MARCHF1: variants seen among roughly 807,000 people sequenced by gnomAD.
MARCHF1 encodes the protein membrane associated ring-CH-type finger 1.
A neutral mutation model predicts 54.2 loss-of-function variants in MARCHF1; 40 were observed. The observed-to-expected ratio is 0.74, with a 90% CI of 0.57 to 0.96. The LOEUF is 0.96. Among genes scored for constraint, MARCHF1 ranks in the 40% least tolerant of loss-of-function variants. MARCHF1 has a pLI of 0.00. For synonymous variants in MARCHF1, 236 were observed against 236.3 expected, an observed-to-expected ratio of 1.00 and a Z score of 0.01; for missense variants, 586 against 656.5, an observed-to-expected ratio of 0.89 and a Z score of 1.17.
intron 5 of MARCHF1, among the ~76,000 whole-genome samples, chr4:163,640,246 T>C (rs1354735543): frequency 2.6e-5 from 4 of 152,218 alleles, no homozygotes; most frequent in East Asian, 3.9e-4. Flanking sequence ...CATCAGATAA[T>C]ACTCTATAAA....
chr4:164,123,378 CT>C (rs1756112108), intron 1 of MARCHF1, among the ~76,000 whole-genome samples: 1 of 152,074 alleles, frequency 6.6e-6, no homozygotes, highest in Non-Finnish European at 1.5e-5. Context: ...AATACCCATA[CT>C]ACCGAAAGCA....
intron 1 of MARCHF1, among the ~76,000 whole-genome samples, chr4:164,176,970 C>A (rs1382227705): frequency 0.11 from 6,250 of 56,050 alleles, 870 homozygotes; most frequent in Non-Finnish European, 0.15. Context: ...CTCTCTCTCT[C>A]TCTCTCTCTC....
intron 4 of MARCHF1, among the ~76,000 whole-genome samples, chr4:163,703,522 A>G (rs745786981): frequency 3.3e-5 from 5 of 152,144 alleles, no homozygotes; most frequent in African/African-American, 7.2e-5. Context: ...CATTACAATC[A>G]GTTTAACTAC....
At chr4:163,811,261 A>G (rs1748376937) in intron 4 of MARCHF1, among the ~76,000 whole-genome samples, 1 of 51,966 alleles carries the variant, frequency 1.9e-5, no homozygotes, top group African/African-American at 4.2e-5. Flanking sequence ...GGCACTAAAC[A>G]TTGTTTAGTG....
intron 5 of MARCHF1, among the ~76,000 whole-genome samples, chr4:163,639,771 G>C (rs1001314105): frequency 6.6e-6 from 1 of 152,140 alleles, no homozygotes; most frequent in Admixed American, 6.6e-5. Flanking sequence ...AGTTTCAAAA[G>C]AAAGTAAGAT....
At chr4:164,378,211 A>T (rs1236590735) in intron 1 of MARCHF1, among the ~76,000 whole-genome samples, 1 of 152,170 alleles carries the variant, frequency 6.6e-6, no homozygotes, top group Admixed American at 6.5e-5. Context: ...ACAGTGAGAG[A>T]CTAAGAATAC....
chr4:163,911,374 A>T, intron 3 of MARCHF1, among the ~76,000 whole-genome samples: 1 of 152,108 alleles, frequency 6.6e-6, no homozygotes, highest in Non-Finnish European at 1.5e-5. Context: ...AAGCTTAGTA[A>T]GACAGGCTTT....
chr4:164,011,888 G>A (rs1337470473), intron 2 of MARCHF1, among the ~76,000 whole-genome samples: 1 of 152,180 alleles, frequency 6.6e-6, no homozygotes, highest in Non-Finnish European at 1.5e-5. Flanking sequence ...CACAGATGGG[G>A]AGGAAATGTG....
intron 2 of MARCHF1, among the ~76,000 whole-genome samples, chr4:164,028,799 T>G (rs1212797851): frequency 2.0e-5 from 3 of 152,312 alleles, no homozygotes; most frequent in African/African-American, 7.2e-5. Context: ...AGAAGATACA[T>G]GCGATAGTGA....
At chr4:163,593,528 T>C (rs940967190) in intron 7 of MARCHF1, among the ~76,000 whole-genome samples, 2 of 152,218 alleles carry the variant, frequency 1.3e-5, no homozygotes, top group African/African-American at 4.8e-5. Context: ...CTTTTTCATT[T>C]CTGCATGTGG....
rs75696167 is a variant in MARCHF1, at chr4:163,810,968, G to A, written c.111+43053C>T. ...TGGCTGGTGGTAAATATTGCTGTTC[G>A]TGAGAGGTACTTTTTGTTGTTGTTG... On this transcript the variant is annotated intron_variant, in intron 4 of 9. Coordinates refer to ENST00000514618, the MANE Select transcript of MARCHF1 (RefSeq NM_001394959.1). Among the ~76,000 whole-genome samples, 3 of 151,846 alleles carry A rather than the reference G, an allele frequency of 2.0e-5. No individual in the cohort carries two copies. In the East Asian group the frequency reaches 5.8e-4, roughly 29 times the overall value.
At chr4:163,562,779 C>T (rs909010909) in intron 8 of MARCHF1, among the ~76,000 whole-genome samples, 2 of 152,110 alleles carry the variant, frequency 1.3e-5, no homozygotes, top group Admixed American at 6.6e-5. Flanking sequence ...ATGTTATTTC[C>T]CCAGATTTAC....
intron 7 of MARCHF1, among the ~76,000 whole-genome samples, chr4:163,606,628 A>C (rs1741152020): frequency 6.6e-6 from 1 of 152,038 alleles, no homozygotes; most frequent in African/African-American, 2.4e-5. Flanking sequence ...TGAGACATTT[A>C]AGAGGGGAAG....
Position 164,069,928 on chromosome 4 carries a change from G to A in MARCHF1, c.-248+41660C>T, listed in dbSNP as rs573186121. Among the ~76,000 whole-genome samples, 4 of 152,294 alleles carry A rather than the reference G, an allele frequency of 2.6e-5. No individual in the cohort carries two copies. The South Asian group carries it at 8.3e-4, about 32-fold the overall frequency. ...GTACATATATACCATGGAATACTAT[G>A]CTGCTGTAAAAAAGAATAAAATCGT... On this transcript the variant is annotated intron_variant, in intron 2 of 9. Transcript: ENST00000514618.
intron 1 of MARCHF1, among the ~76,000 whole-genome samples, chr4:164,265,116 CT>C (rs1302897912): frequency 6.6e-6 from 1 of 151,828 alleles, no homozygotes; most frequent in Non-Finnish European, 1.5e-5. Context: ...TATCATGCTC[CT>C]TTTGTGAATC....
At chr4:163,917,024 C>T (rs1751322458) in intron 3 of MARCHF1, among the ~76,000 whole-genome samples, 1 of 152,142 alleles carries the variant, frequency 6.6e-6, no homozygotes, top group African/African-American at 2.4e-5. Flanking sequence ...CCCACAACTC[C>T]TGACAACCAC....
intron 1 of MARCHF1, among the ~76,000 whole-genome samples, chr4:164,142,999 C>A (rs1216549354): frequency 2.6e-5 from 4 of 151,200 alleles, no homozygotes; most frequent in Non-Finnish European, 5.9e-5. Flanking sequence ...AGCTGAAAAC[C>A]AAGGCTCGAG....
intron 5 of MARCHF1, among the ~76,000 whole-genome samples, chr4:163,693,755 CAT>C (rs767020410): frequency 5.9e-5 from 9 of 152,142 alleles, no homozygotes; most frequent in Admixed American, 3.3e-4. Flanking sequence ...CTTAATAACA[CAT>C]GTTATATTGT....
At chr4:163,880,030 T>C (rs963108794) in intron 3 of MARCHF1, among the ~76,000 whole-genome samples, 1 of 152,088 alleles carries the variant, frequency 6.6e-6, no homozygotes, top group African/African-American at 2.4e-5. Context: ...TTCACAAATT[T>C]ATAAATTATA....
Sources: gnomAD v4.1 joint callset for allele counts (sites outside exome capture counted in the v4.1 genomes callset) on GRCh38, gnomAD v4.1.1 for gene constraint, MANE v1.5 for transcripts, NCBI Gene and HGNC (gene_info 2026-07-23, HGNC 2026-07-21) for gene names.